SCAPER: variants seen among roughly 807,000 people sequenced by gnomAD.
SCAPER encodes the protein S-phase cyclin A associated protein in the ER.
In SCAPER, 98 loss-of-function variants were observed where a neutral mutation model predicts 182.2. The observed-to-expected ratio is 0.54, with a 90% confidence interval of 0.46 to 0.64. The LOEUF is 0.64. Among genes scored for constraint, SCAPER ranks in the 30% least tolerant of loss-of-function variants. SCAPER has a pLI of 0.00. For missense variants in SCAPER, 1,432 were observed against 1,690.0 expected (o/e 0.85, Z 2.68); for synonymous variants, 605 against 564.6 (o/e 1.07, Z -1.01).
intron 27 of SCAPER, among the ~76,000 whole-genome samples, chr15:76,386,773 C>T (rs571615258): frequency 3.5e-4 from 54 of 152,160 alleles, no homozygotes; most frequent in African/African-American, 1.2e-3. Context: ...GTGGCTAGAG[C>T]GGGTTGAGTA....
intron 2 of SCAPER, among the ~76,000 whole-genome samples, chr15:76,882,646 T>TA (rs1265484592): frequency 1.3e-5 from 2 of 152,092 alleles, no homozygotes; most frequent in African/African-American, 4.8e-5. Flanking sequence ...ATACAACAAA[T>TA]AGATGCTCTC....
intron 5 of SCAPER, among the ~76,000 whole-genome samples, chr15:76,809,070 A>G (rs1377891637): frequency 6.6e-6 from 1 of 152,142 alleles, no homozygotes; most frequent in Non-Finnish European, 1.5e-5. Flanking sequence ...AAGAACAAAG[A>G]CTGCAGTTTA....
intron 28 of SCAPER, 58 bp downstream of exon 28, chr15:76,381,320 C>A: frequency 7.0e-7 from 1 of 1,425,628 alleles, no homozygotes; most frequent in Non-Finnish European, 9.7e-7. Context: ...GACATCCTAT[C>A]TACACTAAAA....
At chr15:76,623,505 C>A (rs894944024) in intron 21 of SCAPER, among the ~76,000 whole-genome samples, 1 of 152,104 alleles carries the variant, frequency 6.6e-6, no homozygotes, top group African/African-American at 2.4e-5. Context: ...AATGGGGAGT[C>A]CTTTCTTCAT....
chr15:76,693,263 T>C (rs1180781686), intron 20 of SCAPER, among the ~76,000 whole-genome samples: 1 of 152,112 alleles, frequency 6.6e-6, no homozygotes, highest in African/African-American at 2.4e-5. Flanking sequence ...TTAAATACAC[T>C]GAAAGAAATG....
At chr15:76,842,592 C>G (rs777141305) in intron 4 of SCAPER, among the ~76,000 whole-genome samples, 8 of 152,300 alleles carry the variant, frequency 5.3e-5, no homozygotes, top group Admixed American at 1.3e-4. Context: ...TACCCAGTCT[C>G]AGGCAGTTCA....
At chr15:76,652,281 T>A (rs377595981) in intron 21 of SCAPER, among the ~76,000 whole-genome samples, 801 of 9,282 alleles carry the variant, frequency 0.086, 117 homozygotes, top group African/African-American at 0.11. Flanking sequence ...AAAATATATA[T>A]ATATATATAT....
intron 25 of SCAPER, among the ~76,000 whole-genome samples, chr15:76,444,271 T>C (rs1402811080): frequency 2.6e-5 from 4 of 152,184 alleles, no homozygotes; most frequent in Admixed American, 1.3e-4. Flanking sequence ...CAGTTAATAA[T>C]GTAAAAAAGA....
chr15:76,350,376 G>GTGTGTGTGTA (rs72338691), intron 31 of SCAPER: 1 of 151,000 alleles, frequency 6.6e-6, no homozygotes, highest in African/African-American at 2.4e-5. Context: ...TTGTGTGTGT[G>GTGTGTGTGTA]TGTGTGTGTG....
At position 76,419,592 on chromosome 15, in the gene SCAPER, C is replaced by T. The variant is rs537533188; in HGVS notation, c.3311+14486G>A. 1.6e-4 allele frequency among the ~76,000 whole-genome samples: 24 copies of T among 151,822 alleles called. No individual in the cohort carries two copies. In the South Asian group the frequency reaches 3.1e-3, roughly 20 times the overall value. On this transcript the variant is annotated intron_variant, in intron 26 of 31. Transcript: ENST00000563290. ...AAAATTAGCCGGGTGTGGTGGTGCA[C>T]GCCTGTAATCCCGGCTACTTGGGAG...
intron 8 of SCAPER, among the ~76,000 whole-genome samples, chr15:76,791,935 G>GTT (rs1039199231): frequency 1.3e-5 from 2 of 148,626 alleles, no homozygotes; most frequent in Non-Finnish European, 3.0e-5. Context: ...CAAATGATTG[G>GTT]TTTTTTTTTG....
intron 4 of SCAPER, among the ~76,000 whole-genome samples, chr15:76,851,771 CCACA>C (rs1156239004): frequency 6.6e-6 from 1 of 152,056 alleles, no homozygotes; most frequent in African/African-American, 2.4e-5. Context: ...TATAAAGCGG[CCACA>C]CAAACAAGCC....
intron 23 of SCAPER, among the ~76,000 whole-genome samples, chr15:76,553,210 TCCA>T (rs1294360382): frequency 6.6e-6 from 1 of 152,198 alleles, no homozygotes; most frequent in Non-Finnish European, 1.5e-5. Context: ...GCACAGGCAG[TCCA>T]CCACGTAGAG....
intron 4 of SCAPER, 56 bp from the exon 5 acceptor site, chr15:76,841,987 G>A: frequency 1.4e-6 from 2 of 1,462,030 alleles, no homozygotes; most frequent in Non-Finnish European, 9.3e-7. Context: ...TCCAGGGACT[G>A]GATTTTTTAT....
intron 4 of SCAPER, among the ~76,000 whole-genome samples, chr15:76,849,088 C>T (rs2070445164): frequency 6.6e-6 from 1 of 152,180 alleles, no homozygotes; most frequent in African/African-American, 2.4e-5. Context: ...ACATCACAGC[C>T]ACCATATGGA....
intron 5 of SCAPER, among the ~76,000 whole-genome samples, chr15:76,809,897 C>G (rs1045350508): frequency 6.6e-6 from 1 of 152,138 alleles, no homozygotes; most frequent in Admixed American, 6.5e-5. Context: ...CCCCATAACA[C>G]TATCAGTAGA....
intron 29 of SCAPER, among the ~76,000 whole-genome samples, chr15:76,370,291 A>ATTTTTTTTTTTTTTTTTTTTTTTT (rs10524497): frequency 8.4e-6 from 1 of 119,462 alleles, no homozygotes; most frequent in African/African-American, 3.7e-5. Flanking sequence ...TACCATTTCA[A>ATTTTTTTTTTTTTTTTTTTTTTTT]TTTTTTTTTT....
chr15:76,871,058 T>G (rs1336343161), intron 2 of SCAPER, among the ~76,000 whole-genome samples: 2 of 152,112 alleles, frequency 1.3e-5, no homozygotes, highest in African/African-American at 2.4e-5. Flanking sequence ...AGAAAATACC[T>G]TCAAAGTGAA....
At chr15:76,718,279 G>T (rs898488608) in intron 17 of SCAPER, among the ~76,000 whole-genome samples, 8 of 152,182 alleles carry the variant, frequency 5.3e-5, no homozygotes, top group African/African-American at 1.9e-4. Context: ...AAAAGCAGTT[G>T]TAAGAGGGAA....
Sources: allele counts gnomAD v4.1 joint callset (sites outside exome capture counted in the v4.1 genomes callset), GRCh38; gene constraint gnomAD v4.1.1; transcripts MANE v1.5; gene names NCBI Gene and HGNC (gene_info 2026-07-23, HGNC 2026-07-21).